The following COL5A2 variants were observed in gnomAD, a reference collection of about 807,000 sequenced individuals.
COL5A2 encodes the protein collagen type V alpha 2 chain.
COL5A2 carries 23 observed loss-of-function variants against 208.2 expected under a neutral mutation model. The observed-to-expected ratio is 0.11, with a 90% CI of 0.08 to 0.16. The LOEUF (loss-of-function observed/expected upper bound fraction) is 0.16. COL5A2 is among the 10% of genes least tolerant of loss of function. The probability of loss-of-function intolerance (pLI) is 1.00; values close to 1 mark genes in which losing one functional copy is unlikely to be tolerated. For synonymous variants in COL5A2, 625 were observed against 628.5 expected (o/e 0.99, Z 0.08); for missense variants, 1,590 against 1,956.4 (o/e 0.81, Z 3.53).
At chr2:189,370,084 G>C in the COL5A2 span, among the ~76,000 whole-genome samples, 1 of 152,158 alleles carries the variant, frequency 6.6e-6, no homozygotes, top group African/African-American at 2.4e-5. Flanking sequence ...TGCCACAATG[G>C]ACACCAAATG....
At chr2:189,295,686 C>T in the COL5A2 span, among the ~76,000 whole-genome samples, 1 of 152,100 alleles carries the variant, frequency 6.6e-6, no homozygotes. Flanking sequence ...GATTTAGCCA[C>T]GCGGATGTAT....
intron 12 of COL5A2, among the ~76,000 whole-genome samples, chr2:189,083,018 C>T (rs189927321): frequency 2.0e-5 from 3 of 152,260 alleles, no homozygotes; most frequent in Admixed American, 2.0e-4. Context: ...TTGTTTAAAA[C>T]ATTTCCTAGC....
rs1185324903 is a variant in COL5A2 at position 189,053,033 on chromosome 2, A to G, written c.2554-15T>C. ...CCGTCAGGACCCTATAAAAAATTAT[A>G]CAAACAAGCAATTGATTATAAGACT... On this transcript the variant is annotated splice_polypyrimidine_tract_variant and intron_variant, in intron 38 of 53. Coordinates refer to ENST00000374866, the MANE Select transcript of COL5A2 (RefSeq NM_000393.5). 1 of 1,589,996 alleles carries G rather than the reference A, an allele frequency of 6.3e-7. No homozygotes were observed. The highest frequency in any genetic ancestry group is 1.3e-5 in the African/African-American group (1 of 74,572).
chr2:189,224,254 G>A (rs896489154), intron 1 of COL5A2, among the ~76,000 whole-genome samples: 3 of 151,940 alleles, frequency 2.0e-5, no homozygotes, highest in African/African-American at 4.8e-5. Context: ...TGAAGTCCCT[G>A]ACTAATCATG....
chr2:189,350,774 G>C, the COL5A2 span, among the ~76,000 whole-genome samples: 2 of 152,142 alleles, frequency 1.3e-5, no homozygotes, highest in South Asian at 4.1e-4. Flanking sequence ...AGACTGCTGA[G>C]AAAATATTAT....
the COL5A2 span, among the ~76,000 whole-genome samples, chr2:189,343,018 A>G: frequency 3.3e-5 from 5 of 152,222 alleles, no homozygotes; most frequent in East Asian, 9.6e-4. Context: ...AATTTCTCCA[A>G]TTTCCTATCA....
the COL5A2 span, among the ~76,000 whole-genome samples, chr2:189,255,460 TC>T: frequency 3.3e-5 from 5 of 152,182 alleles, no homozygotes; most frequent in African/African-American, 1.2e-4. Context: ...ATGTTGGAAT[TC>T]TTTTGCTGAA....
the COL5A2 span, among the ~76,000 whole-genome samples, chr2:189,432,418 T>G: frequency 1.3e-5 from 2 of 152,130 alleles, no homozygotes; most frequent in African/African-American, 2.4e-5. Context: ...CCCATCAGTG[T>G]GCTGTATTCA....
rs148169655 is a variant in COL5A2 at position 189,059,499 on chromosome 2, C to T, written c.2086-606G>A. On this transcript the variant is annotated intron_variant, in intron 31 of 53. Coordinates refer to ENST00000374866, the MANE Select transcript of COL5A2 (RefSeq NM_000393.5). ...CAAATAGGCCTCCAATCTTATTCTC[C>T]GAAATGGACTGTCCTCACTGTGGCC... Among the ~76,000 whole-genome samples, 263 of 151,142 alleles carry T rather than the reference C, an allele frequency of 1.7e-3. 1 individual carries two copies. Among genetic ancestry groups the T allele is most frequent in the African/African-American group, 5.8e-3 (239 of 41,268 alleles).
intron 1 of COL5A2, among the ~76,000 whole-genome samples, chr2:189,213,060 T>A: frequency 6.6e-6 from 1 of 151,872 alleles, no homozygotes; most frequent in Non-Finnish European, 1.5e-5. Context: ...AGCTAATTTT[T>A]TAGATTTTTA....
the COL5A2 span, among the ~76,000 whole-genome samples, chr2:189,427,980 G>C: frequency 6.6e-6 from 1 of 152,180 alleles, no homozygotes; most frequent in African/African-American, 2.4e-5. Context: ...AAAGAAACTA[G>C]CTTGTTTTTT....
the COL5A2 span, among the ~76,000 whole-genome samples, chr2:189,385,519 A>C: frequency 1.3e-5 from 2 of 152,206 alleles, no homozygotes; most frequent in African/African-American, 4.8e-5. Flanking sequence ...GATTGAGAAG[A>C]ATCAATATCA....
At chr2:189,276,968 T>G in the COL5A2 span, among the ~76,000 whole-genome samples, 11 of 152,166 alleles carry the variant, frequency 7.2e-5, no homozygotes, top group Admixed American at 3.3e-4. Flanking sequence ...TTATGAATGC[T>G]CATCACTGTA....
intron 1 of COL5A2, among the ~76,000 whole-genome samples, chr2:189,158,473 T>C (rs1021666357): frequency 3.9e-5 from 6 of 152,050 alleles, no homozygotes; most frequent in African/African-American, 1.4e-4. Context: ...GAGTACAATT[T>C]AAGTCAAATA....
the COL5A2 span, among the ~76,000 whole-genome samples, chr2:189,352,422 T>C: frequency 6.6e-6 from 1 of 152,248 alleles, no homozygotes; most frequent in Admixed American, 6.5e-5. Flanking sequence ...CCACCAGCAG[T>C]GTAAAATCAT....
intron 49 of COL5A2, 130 bp downstream of exon 49, chr2:189,042,590 G>A: frequency 1.2e-6 from 1 of 801,804 alleles, no homozygotes; most frequent in South Asian, 1.4e-5. Context: ...TCTCATATGT[G>A]TGTTGCCAAC....
chr2:189,337,246 G>A, the COL5A2 span, among the ~76,000 whole-genome samples: 1 of 149,554 alleles, frequency 6.7e-6, no homozygotes, highest in African/African-American at 2.5e-5. Flanking sequence ...GCAGTGGCGG[G>A]ATCTCGGCTC....
At chr2:189,124,254 G>A (rs753326475) in intron 1 of COL5A2, among the ~76,000 whole-genome samples, 1 of 151,982 alleles carries the variant, frequency 6.6e-6, no homozygotes, top group African/African-American at 2.4e-5. Flanking sequence ...CTGGTGTTCC[G>A]CCTGTGTAGC....
In COL5A2 at chr2:189,050,563, A is replaced by T; in HGVS notation, c.3039+6T>A. ...AGATAAAATATTGACCGATGCAGCT[A>T]CTCACCGCTGGGCCTGGTAGGCCGG... On this transcript the variant is annotated splice_donor_region_variant and intron_variant, in intron 43 of 53. Transcript: ENST00000374866. 1 of 1,545,780 alleles carries T rather than the reference A, an allele frequency of 6.5e-7. No homozygotes were observed. Among genetic ancestry groups the T allele is most frequent in the Non-Finnish European group, 8.8e-7 (1 of 1,141,696 alleles).
Sources: gnomAD v4.1 joint callset for allele counts (sites outside exome capture counted in the v4.1 genomes callset) on GRCh38, gnomAD v4.1.1 for gene constraint, MANE v1.5 for transcripts, NCBI Gene and HGNC (gene_info 2026-07-23, HGNC 2026-07-21) for gene names.